The following DLGAP1 variants were observed in gnomAD, a reference collection of about 807,000 sequenced individuals.
DLGAP1 encodes the protein disks large-associated protein 1.
Under a neutral mutation model 90.8 loss-of-function variants are expected in DLGAP1, and 11 were observed. The ratio of observed to expected loss-of-function variants is 0.12; its 90% CI spans 0.08 to 0.20. DLGAP1 has a LOEUF of 0.20. DLGAP1 is among the 10% of genes least tolerant of loss of function. The pLI, the probability that DLGAP1 is intolerant of heterozygous loss-of-function variation, is 1.00. For missense variants in DLGAP1, 1,050 were observed against 1,333.8 expected, an observed-to-expected ratio of 0.79 and a Z score of 3.31; for synonymous variants, 558 against 540.7, an observed-to-expected ratio of 1.03 and a Z score of -0.44.
intron 5 of DLGAP1, among the ~76,000 whole-genome samples, chr18:3,765,554 T>A (rs2064201293): frequency 1.3e-5 from 2 of 150,886 alleles, no homozygotes; most frequent in African/African-American, 4.9e-5. Flanking sequence ...AGAGATATAC[T>A]CGGGCACGGT....
chr18:3,993,730 G>C (rs1417202327), intron 3 of DLGAP1, among the ~76,000 whole-genome samples: 2 of 152,104 alleles, frequency 1.3e-5, no homozygotes, highest in East Asian at 3.9e-4. Flanking sequence ...AGGAGAGAAT[G>C]AATCTCTCAT....
intron 7 of DLGAP1, among the ~76,000 whole-genome samples, chr18:3,657,513 A>G (rs1438021428): frequency 2.6e-5 from 4 of 152,228 alleles, no homozygotes; most frequent in African/African-American, 9.7e-5. Flanking sequence ...CTGATACGAA[A>G]GATATGTGGC....
chr18:3,567,370 A>G, intron 9 of DLGAP1, 120 bp downstream of exon 9: 1 of 811,324 alleles, frequency 1.2e-6, no homozygotes, highest in Non-Finnish European at 2.0e-6. Context: ...TTCACCCTTT[A>G]AATACTCCCA....
chr18:4,079,242 A>G (rs2075568165), intron 2 of DLGAP1, among the ~76,000 whole-genome samples: 1 of 151,380 alleles, frequency 6.6e-6, no homozygotes, highest in African/African-American at 2.4e-5. Context: ...TGAGCAATTC[A>G]CCATTGCAAA....
intron 7 of DLGAP1, among the ~76,000 whole-genome samples, chr18:3,610,513 ACTC>A (rs1384557916): frequency 6.6e-6 from 1 of 151,456 alleles, no homozygotes. Flanking sequence ...CTGAGTCCCT[ACTC>A]CTCAGTAACA....
At chr18:3,928,457 G>A (rs2148924536) in intron 3 of DLGAP1, among the ~76,000 whole-genome samples, 1 of 152,200 alleles carries the variant, frequency 6.6e-6, no homozygotes, top group South Asian at 2.1e-4. Flanking sequence ...ATTTATTGAT[G>A]GTTTTTAGCA....
At chr18:3,690,094 G>GTTT (rs77999372) in intron 7 of DLGAP1, among the ~76,000 whole-genome samples, 23 of 116,880 alleles carry the variant, frequency 2.0e-4, no homozygotes, top group Non-Finnish European at 3.1e-4. Flanking sequence ...GCTGGGTGAG[G>GTTT]TTTTTTTTTT....
At chr18:3,891,646 G>T (rs2071461855) in intron 3 of DLGAP1, among the ~76,000 whole-genome samples, 2 of 152,148 alleles carry the variant, frequency 1.3e-5, no homozygotes, top group South Asian at 2.1e-4. Flanking sequence ...GGCACGTGTT[G>T]TCCACTTTAA....
intron 7 of DLGAP1, among the ~76,000 whole-genome samples, chr18:3,719,333 G>A (rs928334804): frequency 6.6e-6 from 1 of 151,888 alleles, no homozygotes; most frequent in African/African-American, 2.4e-5. Context: ...TTGGGAGGCC[G>A]GGGTGGGCGG....
chr18:3,856,658 G>A (rs1194157793), intron 4 of DLGAP1, among the ~76,000 whole-genome samples: 4 of 152,024 alleles, frequency 2.6e-5, no homozygotes, highest in Non-Finnish European at 4.4e-5. Context: ...TCAGGAGATC[G>A]AGACCATCCT....
chr18:4,442,964 C>T (rs1361339306), intron 1 of DLGAP1, among the ~76,000 whole-genome samples: 4 of 152,136 alleles, frequency 2.6e-5, no homozygotes, highest in Admixed American at 6.5e-5. Flanking sequence ...TTCAATAAAT[C>T]GGTTTTGGTT....
intron 1 of DLGAP1, among the ~76,000 whole-genome samples, chr18:4,296,515 T>G (rs955097774): frequency 6.6e-6 from 1 of 152,230 alleles, no homozygotes; most frequent in African/African-American, 2.4e-5. Flanking sequence ...TTCTAAAATC[T>G]GTAATTCAGT....
At chr18:3,805,217 A>G (rs2066509336) in intron 5 of DLGAP1, among the ~76,000 whole-genome samples, 1 of 152,224 alleles carries the variant, frequency 6.6e-6, no homozygotes, top group Non-Finnish European at 1.5e-5. Flanking sequence ...ACCCTTGAAC[A>G]ACCAGTGGCT....
intron 7 of DLGAP1, among the ~76,000 whole-genome samples, chr18:3,600,877 T>TATATATAGATATATAGATAGATAG (rs1568278907): frequency 4.5e-5 from 1 of 22,416 alleles, no homozygotes; most frequent in Non-Finnish European, 8.8e-5. Context: ...TATATAGATA[T>TATATATAGATATATAGATAGATAG]ATAGATAGAT....
intron 1 of DLGAP1, among the ~76,000 whole-genome samples, chr18:4,443,149 A>G (rs868454706): frequency 6.6e-6 from 1 of 152,274 alleles, no homozygotes; most frequent in African/African-American, 2.4e-5. Flanking sequence ...AATAGTCTAC[A>G]TATCTTGGTT....
intron 3 of DLGAP1, among the ~76,000 whole-genome samples, chr18:3,933,891 T>G (rs1195255690): frequency 6.6e-6 from 1 of 152,176 alleles, no homozygotes; most frequent in Non-Finnish European, 1.5e-5. Flanking sequence ...AGACCCTATC[T>G]TCCTCCACAG....
chr18:3,762,082 A>G (rs907656124), intron 5 of DLGAP1, among the ~76,000 whole-genome samples: 4 of 152,248 alleles, frequency 2.6e-5, no homozygotes, highest in African/African-American at 4.8e-5. Flanking sequence ...GCTAAATAAT[A>G]TAGTAGTACT....
chr18:4,185,324 A>G (rs1030058635), intron 1 of DLGAP1, among the ~76,000 whole-genome samples: 14 of 152,044 alleles, frequency 9.2e-5, no homozygotes, highest in African/African-American at 3.4e-4. Flanking sequence ...TTACGTAGGT[A>G]AACTTGCGTC....
chr18:3,752,969 T>C (rs914695348), intron 5 of DLGAP1, among the ~76,000 whole-genome samples: 1 of 152,182 alleles, frequency 6.6e-6, no homozygotes, highest in Non-Finnish European at 1.5e-5. Context: ...TTGGCTATTA[T>C]GAATAATGCT....
Sources: gnomAD v4.1 joint callset for allele counts (sites outside exome capture counted in the v4.1 genomes callset) on GRCh38, gnomAD v4.1.1 for gene constraint, MANE v1.5 for transcripts, NCBI Gene and HGNC (gene_info 2026-07-23, HGNC 2026-07-21) for gene names.